Variants in SNTG1 observed in about 807,000 individuals in gnomAD.
SNTG1 encodes gamma-1-syntrophin.
SNTG1 carries 39 observed loss-of-function variants against 74.7 expected under a neutral mutation model. The observed-to-expected ratio is 0.52, with a 90% CI of 0.40 to 0.68. The LOEUF (loss-of-function observed/expected upper bound fraction) is 0.68. Among genes scored for constraint, SNTG1 ranks in the 30% least tolerant of loss-of-function variants. SNTG1 has a pLI of 0.00. For missense variants in SNTG1, 685 were observed against 609.5 expected, an observed-to-expected ratio of 1.12 and a Z score of -1.30; for synonymous variants, 254 against 217.1, an observed-to-expected ratio of 1.17 and a Z score of -1.49.
At chr8:50,180,438 T>C (rs1377307998) in intron 2 of SNTG1, among the ~76,000 whole-genome samples, 1 of 152,126 alleles carries the variant, frequency 6.6e-6, no homozygotes. Flanking sequence ...TTACCATACA[T>C]ACAAAAAAGA....
intron 18 of SNTG1, among the ~76,000 whole-genome samples, chr8:50,784,078 G>A (rs1336396252): frequency 6.6e-6 from 1 of 152,156 alleles, no homozygotes; most frequent in Non-Finnish European, 1.5e-5. Context: ...TAAACAGTGG[G>A]CTCTTCATAA....
chr8:50,506,628 T>C (rs752821478), intron 9 of SNTG1, among the ~76,000 whole-genome samples: 2 of 152,070 alleles, frequency 1.3e-5, no homozygotes, highest in Non-Finnish European at 2.9e-5. Flanking sequence ...TTATTGTTAA[T>C]GGATAGAAAC....
At chr8:50,250,775 A>C (rs993376806) in intron 2 of SNTG1, among the ~76,000 whole-genome samples, 1 of 152,154 alleles carries the variant, frequency 6.6e-6, no homozygotes, top group African/African-American at 2.4e-5. Flanking sequence ...GAAACAGCAA[A>C]ATAAAGACCT....
chr8:50,049,600 T>C (rs1819395293), intron 1 of SNTG1, among the ~76,000 whole-genome samples: 1 of 152,044 alleles, frequency 6.6e-6, no homozygotes, highest in African/African-American at 2.4e-5. Flanking sequence ...AGGTAGAAAA[T>C]GAGTGCATAG....
chr8:50,112,218 AC>A (rs900891542), intron 1 of SNTG1, among the ~76,000 whole-genome samples: 1 of 152,158 alleles, frequency 6.6e-6, no homozygotes, highest in Non-Finnish European at 1.5e-5. Context: ...AGATGTAATC[AC>A]CCTAATTATA....
At chr8:50,479,726 C>T (rs1169831155) in intron 8 of SNTG1, among the ~76,000 whole-genome samples, 3 of 152,030 alleles carry the variant, frequency 2.0e-5, no homozygotes, top group African/African-American at 7.2e-5. Context: ...CTTCAGCTGT[C>T]CCCCATATTG....
At chr8:49,943,374 T>C (rs538292489) in intron 1 of SNTG1, among the ~76,000 whole-genome samples, 21 of 152,348 alleles carry the variant, frequency 1.4e-4, no homozygotes, top group Non-Finnish European at 2.5e-4. Context: ...CTAGTAACTA[T>C]TGGTAAATAC....
At chr8:50,621,060 T>G (rs1283780619) in intron 13 of SNTG1, among the ~76,000 whole-genome samples, 1 of 70,736 alleles carries the variant, frequency 1.4e-5, no homozygotes, top group Non-Finnish European at 2.4e-5. Context: ...CATAAAGAGA[T>G]AACTTTTTTT....
At chr8:50,399,972 A>G (rs545895761) in intron 3 of SNTG1, among the ~76,000 whole-genome samples, 1 of 152,360 alleles carries the variant, frequency 6.6e-6, no homozygotes, top group South Asian at 2.1e-4. Flanking sequence ...AAGACATCAT[A>G]CCTTTTACAA....
intron 8 of SNTG1, among the ~76,000 whole-genome samples, chr8:50,486,274 C>T (rs2093793451): frequency 7.0e-6 from 1 of 142,644 alleles, no homozygotes; most frequent in African/African-American, 2.6e-5. Context: ...ATTCTTCCTA[C>T]CCATGAGCAT....
chr8:49,926,841 T>C (rs1002492855), intron 1 of SNTG1, among the ~76,000 whole-genome samples: 1 of 152,172 alleles, frequency 6.6e-6, no homozygotes, highest in African/African-American at 2.4e-5. Context: ...AAAGGATATA[T>C]TTAATAAAAG....
intron 17 of SNTG1, among the ~76,000 whole-genome samples, chr8:50,749,252 G>A (rs542651402): frequency 2.0e-4 from 30 of 152,086 alleles, no homozygotes; most frequent in African/African-American, 6.7e-4. Context: ...CCTAATCCAG[G>A]GGAAGGCTCT....
intron 13 of SNTG1, among the ~76,000 whole-genome samples, chr8:50,652,152 C>G (rs2095151232): frequency 6.6e-6 from 1 of 152,114 alleles, no homozygotes; most frequent in South Asian, 2.1e-4. Context: ...ATTGCTCTCT[C>G]ATTTCATTCT....
chr8:50,570,981 G>T (rs1466834195), intron 12 of SNTG1, among the ~76,000 whole-genome samples: 1 of 151,950 alleles, frequency 6.6e-6, no homozygotes, highest in Non-Finnish European at 1.5e-5. Context: ...CACCACCAGC[G>T]TACAAGCGTT....
intron 1 of SNTG1, among the ~76,000 whole-genome samples, chr8:50,159,622 T>G (rs2082354988): frequency 6.6e-6 from 1 of 152,206 alleles, no homozygotes; most frequent in Admixed American, 6.5e-5. Flanking sequence ...TTTCACTATT[T>G]GACATGTATA....
At chr8:50,444,986 C>T (rs781408197) in intron 5 of SNTG1, among the ~76,000 whole-genome samples, 15 of 152,100 alleles carry the variant, frequency 9.9e-5, no homozygotes, top group Non-Finnish European at 2.1e-4. Context: ...GCAAGTATCA[C>T]GGCAGTCAAT....
intron 2 of SNTG1, among the ~76,000 whole-genome samples, chr8:50,392,386 C>G (rs566728586): frequency 1.3e-5 from 2 of 152,112 alleles, no homozygotes; most frequent in Non-Finnish European, 2.9e-5. Context: ...GCCAAAACAT[C>G]GATTATTCAT....
chr8:50,420,644 A>G (rs1287110826), intron 4 of SNTG1, among the ~76,000 whole-genome samples: 2 of 152,104 alleles, frequency 1.3e-5, no homozygotes, highest in African/African-American at 4.8e-5. Context: ...AAGTTTTTTA[A>G]AGTAAGGGTG....
intron 18 of SNTG1, among the ~76,000 whole-genome samples, chr8:50,788,288 C>T (rs2095681523): frequency 6.6e-6 from 1 of 151,954 alleles, no homozygotes; most frequent in Admixed American, 6.6e-5. Context: ...CATAATAATG[C>T]TATTAAGCAA....
Sources: allele counts gnomAD v4.1 joint callset (sites outside exome capture counted in the v4.1 genomes callset), GRCh38; gene constraint gnomAD v4.1.1; transcripts MANE v1.5; gene names NCBI Gene and HGNC (gene_info 2026-07-23, HGNC 2026-07-21).